KCNQ1OT1: variants seen among roughly 807,000 people sequenced by gnomAD.
KCNQ1OT1 encodes KCNQ1 antisense RNA 2 (non-protein coding).
At chr11:2,667,825 T>C (rs1850110511) in exon 1 of KCNQ1OT1, 1 of 398,622 alleles carries the variant, frequency 2.5e-6, no homozygotes, top group Non-Finnish European at 4.4e-6. Context: ...AGGGTGGTGG[T>C]GTTAAACTTT....
In KCNQ1OT1 at chr11:2,678,595, C is replaced by T. The variant is rs1350127704; in HGVS notation, n.21400G>A. 5.0e-6 allele frequency: 2 copies of T among 398,608 alleles called. No individual in the cohort carries two copies. Among genetic ancestry groups the T allele is most frequent in the Non-Finnish European group, 8.8e-6 (2 of 226,068 alleles). 24.7% of individuals were successfully genotyped at this position (398,608 alleles called of 1,614,324 possible). On this transcript the variant is annotated non_coding_transcript_exon_variant, in exon 1 of 1. Transcript: ENST00000597346. The surrounding 1 kb of genome is among the most constrained non-coding windows in gnomAD (Gnocchi z 4.9). Reference sequence around the variant, plus strand: ...CTTTATGATGCACTTATCTGTGTAGCAGGACTCCCCCTCATCTCCATTACT... The same window carrying T: ...CTTTATGATGCACTTATCTGTGTAGTAGGACTCCCCCTCATCTCCATTACT...
chr11:2,628,912 A>G, exon 1 of KCNQ1OT1: 1 of 398,368 alleles, frequency 2.5e-6, no homozygotes, highest in Non-Finnish European at 4.4e-6. Flanking sequence ...TTTGTCAAAG[A>G]TTAGTTGACC....
exon 1 of KCNQ1OT1, chr11:2,632,375 T>C: frequency 5.0e-6 from 2 of 398,414 alleles, no homozygotes; most frequent in Middle Eastern, 1.3e-3. Flanking sequence ...TTTTCCATAT[T>C]CTTTGGCTAG....
In KCNQ1OT1 at chr11:2,692,035, A is replaced by AC. The variant is rs1320528157; in HGVS notation, n.7959dup. On this transcript the variant is annotated non_coding_transcript_exon_variant, in exon 1 of 1. Coordinates refer to ENST00000597346, the Ensembl canonical transcript of KCNQ1OT1. ...CTTCCAGACCACCTGTGAGGCCCTGACCCCCCAAATGTCTCTCCAACCCAG... is the reference window on the plus strand; with the variant it reads ...CTTCCAGACCACCTGTGAGGCCCTGACCCCCCCAAATGTCTCTCCAACCCAG... 4 of 396,882 alleles carry AC rather than the reference A, an allele frequency of 1.0e-5. No homozygotes were observed. In the East Asian group the frequency reaches 1.4e-4, roughly 14 times the overall value. 24.6% of individuals were successfully genotyped at this position (396,882 alleles called of 1,614,324 possible). A position where few individuals can be genotyped will look rare whatever the true frequency, so the allele number is the denominator to read the frequency against.
exon 1 of KCNQ1OT1, chr11:2,686,827 T>C: frequency 2.5e-6 from 1 of 398,690 alleles, no homozygotes; most frequent in Non-Finnish European, 4.4e-6. Context: ...GCAGCACAAG[T>C]AACTCAGAGC....
In KCNQ1OT1 at chr11:2,668,960, T is replaced by G. The variant is rs1340843817; in HGVS notation, n.31035A>C. The G allele has an allele frequency of 5.0e-6, 2 of 397,800 alleles. No homozygotes were observed. The highest frequency in any genetic ancestry group is 3.6e-5 in the East Asian group (1 of 28,052). 24.6% of individuals were successfully genotyped at this position (397,800 alleles called of 1,614,324 possible). A position where few individuals can be genotyped will look rare whatever the true frequency, so the allele number is the denominator to read the frequency against. ...TGTAGATCTGCACTCCATCTGGGAT[T>G]GATTTTTGTGTCCAATGTGAGGCCG... On this transcript the variant is annotated non_coding_transcript_exon_variant, in exon 1 of 1. Coordinates refer to ENST00000597346, the Ensembl canonical transcript of KCNQ1OT1. This position sits in a 1 kb window ranked among gnomAD's most constrained non-coding sequence, Gnocchi z 4.3.
Position 2,660,748 on chromosome 11 carries a change from G to A in KCNQ1OT1, n.39247C>T, listed in dbSNP as rs926074631. On this transcript the variant is annotated non_coding_transcript_exon_variant, in exon 1 of 1. Coordinates refer to ENST00000597346, the Ensembl canonical transcript of KCNQ1OT1. ...AACACTTCATTCAGGCATGGATGTG[G>A]GAAAGCTGGGGGAGCCTGAATTGCT... The A allele has an allele frequency of 6.0e-5, 24 of 398,600 alleles. No individual in the cohort carries two copies. The East Asian group carries it at 6.4e-4, about 11-fold the overall frequency. The allele number at this position is 398,600 out of a possible 1,614,324, so 24.7% of individuals were successfully genotyped here.
rs187047945 is a variant in KCNQ1OT1 at position 2,630,340 on chromosome 11, A to G, written n.69655T>C. 6.6e-4 allele frequency: 262 copies of G among 398,184 alleles called. 4 individuals carry two copies. The East Asian group carries it at 8.9e-3, about 14-fold the overall frequency. The allele number at this position is 398,184 out of a possible 1,614,324, so 24.7% of individuals were successfully genotyped here. A position where few individuals can be genotyped will look rare whatever the true frequency, so the allele number is the denominator to read the frequency against. Reference sequence around the variant, plus strand: ...TATTTTGTTGAAAATTTTTAAATGTATAGTCATAAAAAAATATCAGCCAGT... The same window carrying G: ...TATTTTGTTGAAAATTTTTAAATGTGTAGTCATAAAAAAATATCAGCCAGT... On this transcript the variant is annotated non_coding_transcript_exon_variant, in exon 1 of 1. Coordinates refer to ENST00000597346, the Ensembl canonical transcript of KCNQ1OT1.
rs1849153221 is a variant in KCNQ1OT1, at chr11:2,620,551, TG to T, written n.79443del. 5.0e-6 allele frequency: 2 copies of T among 396,070 alleles called. No homozygotes were observed. The highest frequency in any genetic ancestry group is 7.2e-5 in the East Asian group (2 of 27,938). 24.5% of individuals were successfully genotyped at this position (396,070 alleles called of 1,614,324 possible). On this transcript the variant is annotated non_coding_transcript_exon_variant, in exon 1 of 1. Coordinates refer to ENST00000597346, the Ensembl canonical transcript of KCNQ1OT1. This position sits in a 1 kb window ranked among gnomAD's most constrained non-coding sequence, Gnocchi z 4.5. ...ATTTTTATGGCTGCATAGTATTCCA[TG>T]GTGTACATGTACCACATTTTCTTTA...
At chr11:2,686,047 G>A in exon 1 of KCNQ1OT1, 2 of 399,520 alleles carry the variant, frequency 5.0e-6, no homozygotes, top group Non-Finnish European at 4.4e-6. Flanking sequence ...CGCACCATCT[G>A]ATGGGGCAGG....
exon 1 of KCNQ1OT1, chr11:2,639,048 A>C (rs1411190509): frequency 6.6e-6 from 1 of 152,166 alleles, no homozygotes; most frequent in African/African-American, 2.4e-5. Context: ...TTCTTGTGCC[A>C]TGGTTTTCTG....
At chr11:2,667,163 G>A (rs1850090264) in exon 1 of KCNQ1OT1, 1 of 398,616 alleles carries the variant, frequency 2.5e-6, no homozygotes, top group Non-Finnish European at 4.4e-6. Flanking sequence ...CCCTCAATCT[G>A]GCTTCCAGCC....
In KCNQ1OT1 at chr11:2,682,043, T is replaced by A. The variant is rs530092543; in HGVS notation, n.17952A>T. 5.0e-6 allele frequency: 2 copies of A among 398,628 alleles called. No homozygotes were observed. The highest frequency in any genetic ancestry group is 4.1e-5 in the African/African-American group (2 of 48,750). 24.7% of individuals were successfully genotyped at this position (398,628 alleles called of 1,614,324 possible). A position where few individuals can be genotyped will look rare whatever the true frequency, so the allele number is the denominator to read the frequency against. ...CACAAGAATATTATCACTCCTGTTTTATAGATAATCTCCTAAGGGTTGAGG... is the reference window on the plus strand; with the variant it reads ...CACAAGAATATTATCACTCCTGTTTAATAGATAATCTCCTAAGGGTTGAGG... On this transcript the variant is annotated non_coding_transcript_exon_variant, in exon 1 of 1. Transcript: ENST00000597346. This position sits in a 1 kb window ranked among gnomAD's most constrained non-coding sequence, Gnocchi z 5.8.
chr11:2,614,322 C>T, exon 1 of KCNQ1OT1: 1 of 398,560 alleles, frequency 2.5e-6, no homozygotes, highest in Non-Finnish European at 4.4e-6. Flanking sequence ...ATAATTCTGT[C>T]TGTGCTGCTT....
chr11:2,620,228 T>A lies in KCNQ1OT1; in HGVS notation n.79767A>T, dbSNP rs1849146275. On this transcript the variant is annotated non_coding_transcript_exon_variant, in exon 1 of 1. Coordinates refer to ENST00000597346, the Ensembl canonical transcript of KCNQ1OT1. The surrounding 1 kb of genome is among the most constrained non-coding windows in gnomAD (Gnocchi z 4.5). ...ATATATATATTTTTTTTTTTTATTT[T>A]TTTTTTAGACGGAGTTTCGCTCTTG... is the stretch of plus-strand genomic sequence containing the variant. The A allele has an allele frequency of 7.5e-6, 2 of 265,898 alleles. No homozygotes were observed. Among genetic ancestry groups the A allele is most frequent in the Non-Finnish European group, 1.4e-5 (2 of 147,400 alleles). The allele number at this position is 265,898 out of a possible 1,614,324, so 16.5% of individuals were successfully genotyped here.
Position 2,678,410 on chromosome 11 carries a change from A to C in KCNQ1OT1, n.21585T>G, listed in dbSNP as rs1274640775. The C allele has an allele frequency of 5.0e-6, 2 of 398,490 alleles. No individual in the cohort carries two copies. Among genetic ancestry groups the C allele is most frequent in the East Asian group, 7.1e-5 (2 of 28,076 alleles). 24.7% of individuals were successfully genotyped at this position (398,490 alleles called of 1,614,324 possible). A position where few individuals can be genotyped will look rare whatever the true frequency, so the allele number is the denominator to read the frequency against. The stretch of plus-strand genomic sequence containing the variant: ...TCCCATATATTTGTCCAGTTGTCCA[A>C]CACTATTTATTTGAGTACATCATCA... On this transcript the variant is annotated non_coding_transcript_exon_variant, in exon 1 of 1. Transcript: ENST00000597346. The surrounding 1 kb of genome is among the most constrained non-coding windows in gnomAD (Gnocchi z 4.9).
exon 1 of KCNQ1OT1, chr11:2,699,506 G>A (rs1850739010): frequency 5.6e-6 from 1 of 179,774 alleles, no homozygotes; most frequent in Non-Finnish European, 8.9e-6. Context: ...CCGCGCTGAG[G>A]AGCCCCCAGG....
At chr11:2,666,477 A>C (rs544136080) in exon 1 of KCNQ1OT1, 17 of 398,692 alleles carry the variant, frequency 4.3e-5, no homozygotes, top group African/African-American at 3.3e-4. Context: ...TCTCACGCCA[A>C]GACATTCGAG....
chr11:2,621,821 T>C lies in KCNQ1OT1; in HGVS notation n.78174A>G. 1 of 398,354 alleles carries C rather than the reference T, an allele frequency of 2.5e-6. No homozygotes were observed. Among genetic ancestry groups the C allele is most frequent in the Non-Finnish European group, 4.4e-6 (1 of 225,948 alleles). The allele number at this position is 398,354 out of a possible 1,614,324, so 24.7% of individuals were successfully genotyped here. On this transcript the variant is annotated non_coding_transcript_exon_variant, in exon 1 of 1. Transcript: ENST00000597346. This position sits in a 1 kb window ranked among gnomAD's most constrained non-coding sequence, Gnocchi z 5.7. The stretch of plus-strand genomic sequence containing the variant: ...AAAAATCAATTCTTTGTTTCAAAAA[T>C]TGAAGTCTTAGTTTTACTGACTTTT...
Sources: gnomAD v4.1 joint callset for allele counts on GRCh38, gnomAD v4.1.1 for gene constraint, Gnocchi (gnomAD v3.1) non-coding constraint, MANE v1.5 for transcripts, NCBI Gene and HGNC (gene_info 2026-07-23, HGNC 2026-07-21) for gene names.